Variants in LRP1B observed in about 807,000 individuals in gnomAD.
LRP1B encodes the protein low-density lipoprotein receptor-related protein 1B.
LRP1B carries 217 observed loss-of-function variants against 556.6 expected under a neutral mutation model. The observed-to-expected ratio is 0.39, with a 90% CI of 0.35 to 0.44. The LOEUF (loss-of-function observed/expected upper bound fraction) is 0.44, where lower values mean the gene tolerates loss of function less well. LRP1B is among the 20% of genes least tolerant of loss of function. LRP1B has a pLI of 1.00. For synonymous variants in LRP1B, 2,047 were observed against 1,865.8 expected, an observed-to-expected ratio of 1.10 and a Z score of -2.50; for missense variants, 5,053 against 5,620.8, an observed-to-expected ratio of 0.90 and a Z score of 3.23.
At chr2:140,518,568 T>G (rs1259615499) in intron 49 of LRP1B, among the ~76,000 whole-genome samples, 1 of 152,198 alleles carries the variant, frequency 6.6e-6, no homozygotes, top group Non-Finnish European at 1.5e-5. Flanking sequence ...AAGAATGTGT[T>G]GTTGTAAACA....
At chr2:140,296,430 A>G (rs1381040117) in intron 84 of LRP1B, among the ~76,000 whole-genome samples, 1 of 152,214 alleles carries the variant, frequency 6.6e-6, no homozygotes, top group Non-Finnish European at 1.5e-5. Flanking sequence ...GTAAAAACAA[A>G]TCAGTTTAAA....
intron 50 of LRP1B, among the ~76,000 whole-genome samples, chr2:140,515,294 G>C (rs1317026537): frequency 2.0e-5 from 3 of 151,956 alleles, no homozygotes; most frequent in African/African-American, 7.2e-5. Flanking sequence ...CTGTGCTGAT[G>C]TTTTTGTGTT....
intron 20 of LRP1B, among the ~76,000 whole-genome samples, chr2:140,939,695 T>TGACAA (rs571781438): frequency 1.4e-3 from 217 of 151,410 alleles, no homozygotes; most frequent in African/African-American, 5.0e-3. Flanking sequence ...AAAGAAGGTA[T>TGACAA]TAAAGAACAA....
At chr2:140,574,718 G>C (rs912753590) in intron 43 of LRP1B, among the ~76,000 whole-genome samples, 3 of 152,086 alleles carry the variant, frequency 2.0e-5, no homozygotes, top group African/African-American at 7.2e-5. Flanking sequence ...ATCACTTCCT[G>C]GCATTCCTTT....
intron 1 of LRP1B, among the ~76,000 whole-genome samples, chr2:142,014,182 TAATAAACTTG>T (rs1559022175): frequency 1.3e-5 from 2 of 151,896 alleles, no homozygotes; most frequent in African/African-American, 4.9e-5. Context: ...TTCGCTTTCT[TAATAAACTTG>T]TTTTCACTTT....
chr2:141,523,129 T>C (rs10928110), intron 2 of LRP1B, among the ~76,000 whole-genome samples: 1 of 151,790 alleles, frequency 6.6e-6, no homozygotes, highest in African/African-American at 2.4e-5. Context: ...TTTTAAAACA[T>C]CATGATGTAA....
chr2:141,315,252 A>AG (rs555303248), intron 3 of LRP1B, among the ~76,000 whole-genome samples: 17 of 77,196 alleles, frequency 2.2e-4, no homozygotes, highest in African/African-American at 8.9e-4. Flanking sequence ...AATGATTGTA[A>AG]TTTTTTTTTT....
intron 3 of LRP1B, among the ~76,000 whole-genome samples, chr2:141,276,749 C>G (rs1182488719): frequency 6.6e-6 from 1 of 151,336 alleles, no homozygotes; most frequent in Non-Finnish European, 1.5e-5. Flanking sequence ...CTCCGCCTCC[C>G]CGGTTCACGC....
At chr2:140,282,008 T>A (rs928178481) in intron 84 of LRP1B, among the ~76,000 whole-genome samples, 8 of 150,634 alleles carry the variant, frequency 5.3e-5, no homozygotes, top group African/African-American at 1.7e-4. Flanking sequence ...GAAAAAAAAA[T>A]GGCCAGAATT....
At chr2:141,502,642 C>T (rs948688047) in intron 2 of LRP1B, among the ~76,000 whole-genome samples, 5 of 151,786 alleles carry the variant, frequency 3.3e-5, no homozygotes, top group African/African-American at 7.3e-5. Context: ...GGGCGGATCA[C>T]GAGGTGAAGA....
intron 55 of LRP1B, among the ~76,000 whole-genome samples, chr2:140,500,913 T>C (rs1380442006): frequency 6.6e-6 from 1 of 152,012 alleles, no homozygotes; most frequent in Non-Finnish European, 1.5e-5. Flanking sequence ...AGTTATGTCC[T>C]ATTGAAGATT....
At chr2:140,326,541 C>G (rs1161344769) in intron 79 of LRP1B, among the ~76,000 whole-genome samples, 1 of 151,908 alleles carries the variant, frequency 6.6e-6, no homozygotes, top group Non-Finnish European at 1.5e-5. Context: ...ATGGTGAAAC[C>G]CTGTCTCTAC....
intron 43 of LRP1B, among the ~76,000 whole-genome samples, chr2:140,547,288 T>G (rs1680377895): frequency 6.6e-6 from 1 of 152,048 alleles, no homozygotes; most frequent in South Asian, 2.1e-4. Context: ...GGTCCTGGGT[T>G]TTTTTTGGTT....
chr2:141,906,408 C>T (rs139092757), intron 1 of LRP1B, among the ~76,000 whole-genome samples: 15 of 152,110 alleles, frequency 9.9e-5, no homozygotes, highest in Non-Finnish European at 2.2e-4. Flanking sequence ...ACTCTTTTCA[C>T]ATAAATTGCA....
chr2:140,975,211 A>G (rs78650214), intron 18 of LRP1B, among the ~76,000 whole-genome samples: 2,451 of 152,248 alleles, frequency 0.016, 81 homozygotes, highest in East Asian at 0.14. Flanking sequence ...GTTATGGGGA[A>G]TAAAAGAAAC....
At chr2:140,410,555 A>C (rs1248683171) in intron 66 of LRP1B, among the ~76,000 whole-genome samples, 1 of 152,150 alleles carries the variant, frequency 6.6e-6, no homozygotes, top group Admixed American at 6.6e-5. Flanking sequence ...AAGTCCAAAA[A>C]AACACTATGC....
intron 3 of LRP1B, among the ~76,000 whole-genome samples, chr2:141,474,024 C>CTTCCTTCCTTCCTTCCTTCCTTCCT (rs1559091357): frequency 2.1e-4 from 29 of 137,154 alleles, no homozygotes; most frequent in Non-Finnish European, 4.1e-4. Context: ...TCCTTCCTTC[C>CTTCCTTCCTTCCTTCCTTCCTTCCT]TTCCTTCCTT....
Position 141,066,232 on chromosome 2 carries a change from G to A in LRP1B, c.1014-3959C>T, listed in dbSNP as rs371605140. ...ATAATGCAGCTTCTCTAGTAAACAG[G>A]GTTTTATTGTTTTGACATCATTATC... On this transcript the variant is annotated intron_variant, in intron 7 of 90. Transcript: ENST00000389484. Among the ~76,000 whole-genome samples, 12 of 151,818 alleles carry A rather than the reference G, an allele frequency of 7.9e-5. No homozygotes were observed. The South Asian group carries it at 2.5e-3, about 32-fold the overall frequency.
chr2:141,910,792 A>T (rs552798201), intron 1 of LRP1B, among the ~76,000 whole-genome samples: 2 of 152,104 alleles, frequency 1.3e-5, no homozygotes, highest in East Asian at 1.9e-4. Context: ...TTGCTTTTCA[A>T]TTTTTTTTAA....
Sources: allele counts gnomAD v4.1 joint callset (sites outside exome capture counted in the v4.1 genomes callset), GRCh38; gene constraint gnomAD v4.1.1; transcripts MANE v1.5; gene names NCBI Gene and HGNC (gene_info 2026-07-23, HGNC 2026-07-21).